Variants in MTFR1 observed in about 807,000 individuals in gnomAD.
MTFR1 encodes the protein mitochondrial fission regulator 1, also known as chondrocyte protein with a poly-proline region.
In MTFR1, 28 loss-of-function variants were observed where a neutral mutation model predicts 38.8. The observed-to-expected ratio is 0.72, with a 90% CI of 0.53 to 0.99. The LOEUF (loss-of-function observed/expected upper bound fraction) is 0.99. MTFR1 is among the 50% of genes least tolerant of loss of function. The pLI, the probability that MTFR1 is intolerant of heterozygous loss-of-function variation, is 0.00. For synonymous variants in MTFR1, 145 were observed against 137.0 expected (o/e 1.06, Z -0.41); for missense variants, 358 against 395.5 (o/e 0.91, Z 0.81).
chr8:65,770,138 T>C (rs916772737), intron 3 of MTFR1, among the ~76,000 whole-genome samples: 1 of 144,616 alleles, frequency 6.9e-6, no homozygotes, highest in Non-Finnish European at 1.5e-5. Flanking sequence ...TGTGTGTGTG[T>C]GTGTGTGTGT....
chr8:65,682,437 A>G lies in MTFR1; in HGVS notation c.151A>G (p.Arg51Gly), dbSNP rs1320694871. 1 of 1,528,106 alleles carries G rather than the reference A, an allele frequency of 6.5e-7. No homozygotes were observed. Among genetic ancestry groups the G allele is most frequent in the African/African-American group, 1.4e-5 (1 of 72,042 alleles). 94.7% of individuals were successfully genotyped at this position (1,528,106 alleles called of 1,614,324 possible). A position where few individuals can be genotyped will look rare whatever the true frequency, so the allele number is the denominator to read the frequency against. The change falls in exon 3 of 8, where the codon AGA becomes GGA. Residue 51 changes from arginine to glycine, a missense_variant. Transcript: ENST00000262146. ...GTNLSLIQCPRVQFQINSHAT... is the reference protein window; with the variant it reads ...GTNLSLIQCPGVQFQINSHAT... ...TAATTTGTCTCTGATTCAGTGTCCAAGAGTTCAGTTTCAGGTATTATATTT... is the reference window on the plus strand; with the variant it reads ...TAATTTGTCTCTGATTCAGTGTCCAGGAGTTCAGTTTCAGGTATTATATTT...
At chr8:65,700,368 A>G (rs1328616485) in intron 4 of MTFR1, among the ~76,000 whole-genome samples, 1 of 141,558 alleles carries the variant, frequency 7.1e-6, no homozygotes, top group Non-Finnish European at 1.5e-5. Flanking sequence ...AAAAAAAAAG[A>G]AAAAAGAAAA....
At chr8:65,734,050 T>C (rs948047891) in intron 3 of MTFR1, among the ~76,000 whole-genome samples, 1 of 152,180 alleles carries the variant, frequency 6.6e-6, no homozygotes, top group African/African-American at 2.4e-5. Context: ...TCTTCTATAC[T>C]TCAGACTCTT....
rs1215866140 is a variant in MTFR1, at chr8:65,677,322, G to A, written c.67-5031G>A. ...TGACCTCAGATGATCCACCCGCCTC[G>A]GCCTTCCAAAGTGCTGGGATTACAG... is the stretch of plus-strand genomic sequence containing the variant. On this transcript the variant is annotated intron_variant, in intron 2 of 7. Coordinates refer to ENST00000262146, the MANE Select transcript of MTFR1 (RefSeq NM_014637.4). Among the ~76,000 whole-genome samples, 4 of 150,322 alleles carry A rather than the reference G, an allele frequency of 2.7e-5. No individual in the cohort carries two copies. The East Asian group carries it at 5.9e-4, about 22-fold the overall frequency.
chr8:65,656,219 A>G (rs1257611622), intron 1 of MTFR1, among the ~76,000 whole-genome samples: 1 of 150,360 alleles, frequency 6.7e-6, no homozygotes, highest in East Asian at 1.9e-4. Flanking sequence ...CAAAACAAAA[A>G]CAAACAACAT....
chr8:65,662,896 T>G (rs1447279868), intron 1 of MTFR1, among the ~76,000 whole-genome samples: 3 of 148,450 alleles, frequency 2.0e-5, no homozygotes, highest in East Asian at 2.1e-4. Flanking sequence ...CGCCCCGTCC[T>G]GGAGGGAGGT....
intron 2 of MTFR1, among the ~76,000 whole-genome samples, chr8:65,672,599 C>T (rs1804595044): frequency 6.6e-6 from 1 of 152,072 alleles, no homozygotes; most frequent in African/African-American, 2.4e-5. Flanking sequence ...TAACCTCTGC[C>T]TTCTGGGTTC....
chr8:65,688,926 C>T (rs1805187561), intron 3 of MTFR1, among the ~76,000 whole-genome samples: 1 of 151,882 alleles, frequency 6.6e-6, no homozygotes, highest in South Asian at 2.1e-4. Context: ...GGGTGGATCA[C>T]TTGAGGTCAG....
At chr8:65,672,474 C>T (rs917642648) in intron 2 of MTFR1, among the ~76,000 whole-genome samples, 4 of 152,130 alleles carry the variant, frequency 2.6e-5, no homozygotes, top group African/African-American at 9.7e-5. Context: ...AATTTCATTT[C>T]AGATCACCAC....
chr8:65,775,791 C>T (rs977218061), downstream of MTFR1, among the ~76,000 whole-genome samples: 7 of 152,278 alleles, frequency 4.6e-5, no homozygotes, highest in Middle Eastern at 0.014. Flanking sequence ...CTGCACCTGG[C>T]TAATTTTTAC....
intron 1 of MTFR1, among the ~76,000 whole-genome samples, chr8:65,660,400 C>G (rs971507308): frequency 5.3e-5 from 8 of 151,448 alleles, no homozygotes; most frequent in African/African-American, 1.9e-4. Context: ...AACATCACTA[C>G]TGCTGTGTAT....
At chr8:65,689,680 G>A (rs1805213773) in intron 3 of MTFR1, 6 of 982,830 alleles carry the variant, frequency 6.1e-6, no homozygotes, top group Non-Finnish European at 8.1e-6. Context: ...CTTAATGTCA[G>A]TCCTTGCCAG....
In MTFR1 at chr8:65,674,899, A is replaced by G. The variant is rs920155346; in HGVS notation, c.66+4881A>G. Among the ~76,000 whole-genome samples the G allele has an allele frequency of 4.6e-5, 7 of 152,284 alleles. No homozygotes were observed. In the South Asian group the frequency reaches 6.2e-4, roughly 14 times the overall value. ...TGAACAAAGTTACCTAAGTAGTAGAACTATAATGTGAACCCAATTCTGATT... is the reference window on the plus strand; with the variant it reads ...TGAACAAAGTTACCTAAGTAGTAGAGCTATAATGTGAACCCAATTCTGATT... On this transcript the variant is annotated intron_variant, in intron 2 of 7. Transcript: ENST00000262146.
At chr8:65,663,379 G>A (rs1804261314) in intron 1 of MTFR1, among the ~76,000 whole-genome samples, 1 of 151,662 alleles carries the variant, frequency 6.6e-6, no homozygotes, top group African/African-American at 2.4e-5. Flanking sequence ...AAGTACCCAG[G>A]GACACAAACA....
chr8:65,730,019 TAGGAACCTGAG>T (rs1806788289), intron 3 of MTFR1, among the ~76,000 whole-genome samples: 1 of 151,752 alleles, frequency 6.6e-6, no homozygotes. Flanking sequence ...CATGGCCTGT[TAGGAACCTGAG>T]AGGAACCAGG....
At chr8:65,765,688 T>G (rs1808746382) in intron 3 of MTFR1, 1 of 152,142 alleles carries the variant, frequency 6.6e-6, no homozygotes, top group South Asian at 2.1e-4. Context: ...CCCTCCAGTC[T>G]GGATGACGTC....
At chr8:65,740,171 G>A (rs201585346) in intron 3 of MTFR1, among the ~76,000 whole-genome samples, 4 of 150,064 alleles carry the variant, frequency 2.7e-5, no homozygotes, top group Non-Finnish European at 4.4e-5. Context: ...AGTTGCTTGG[G>A]GGGGTGGGGA....
intron 1 of MTFR1, among the ~76,000 whole-genome samples, chr8:65,647,393 AC>A (rs1808988474): frequency 6.6e-6 from 1 of 152,102 alleles, no homozygotes; most frequent in Non-Finnish European, 1.5e-5. Flanking sequence ...GCTCACTGCA[AC>A]CTCTGCCTCC....
At chr8:65,737,487 G>C (rs960701735) in intron 3 of MTFR1, among the ~76,000 whole-genome samples, 1 of 152,068 alleles carries the variant, frequency 6.6e-6, no homozygotes, top group African/African-American at 2.4e-5. Context: ...TTGCAGATTA[G>C]CAAAAATGGT....
Sources: gnomAD v4.1 joint callset for allele counts (sites outside exome capture counted in the v4.1 genomes callset) on GRCh38, gnomAD v4.1.1 for gene constraint, MANE v1.5 for transcripts, NCBI Gene and HGNC (gene_info 2026-07-23, HGNC 2026-07-21) for gene names.